POTEB3: variants seen among roughly 807,000 people sequenced by gnomAD.
POTEB3 encodes ANKRD26-like family B member 1.
A neutral mutation model predicts 39.8 loss-of-function variants in POTEB3; 5 were observed. That is an observed-to-expected ratio of 0.13 (90% CI 0.07 to 0.26). The LOEUF is 0.26. Ranked by LOEUF, POTEB3 falls within the 10% of genes least tolerant of loss-of-function variation. The pLI, the probability that POTEB3 is intolerant of heterozygous loss-of-function variation, is 1.00. For synonymous variants in POTEB3, 5 were observed against 161.5 expected, an observed-to-expected ratio of 0.03 and a Z score of 7.35; for missense variants, 24 against 475.6, an observed-to-expected ratio of 0.05 and a Z score of 8.83.
intron 9 of POTEB3, among the ~76,000 whole-genome samples, chr15:21,414,630 C>G (rs1489128568): frequency 6.6e-4 from 53 of 80,262 alleles, no homozygotes; most frequent in Non-Finnish European, 9.3e-4. Context: ...AGCCACGCAG[C>G]AGCACCTGCT....
chr15:21,424,413 TAA>T (rs1898595192), intron 6 of POTEB3, among the ~76,000 whole-genome samples: 1 of 86,166 alleles, frequency 1.2e-5, no homozygotes, highest in East Asian at 2.7e-4. Context: ...CTCTCAAGTT[TAA>T]GTTAAATGCT....
Position 21,407,611 on chromosome 15 carries a change from G to A in POTEB3, c.*1372C>T, listed in dbSNP as rs1470058652. On this transcript the variant is annotated 3_prime_UTR_variant, in exon 11 of 11. Coordinates refer to ENST00000611217, the MANE Select transcript of POTEB3 (RefSeq NM_207355.5). ...CTCTAAGCAGGTGTGGCCTGGCTGGGGTCCTGGGAGAGGCAAGCAGACTAA... is the reference window on the plus strand; with the variant it reads ...CTCTAAGCAGGTGTGGCCTGGCTGGAGTCCTGGGAGAGGCAAGCAGACTAA... Among the ~76,000 whole-genome samples, 2 of 86,440 alleles carry A rather than the reference G, an allele frequency of 2.3e-5. No individual in the cohort carries two copies. Among genetic ancestry groups the A allele is most frequent in the Non-Finnish European group, 4.1e-5 (2 of 48,636 alleles). 56.7% of individuals were successfully genotyped at this position (86,440 alleles called of 152,430 possible).
rs1898531555 is a variant in POTEB3, at chr15:21,422,119, C to CCT, written c.1196_1197dup (p.Lys400ArgfsTer9). 6.2e-7 allele frequency: 1 copy of CCT among 1,609,884 alleles called. No individual in the cohort carries two copies. The highest frequency in any genetic ancestry group is 1.7e-5 in the Admixed American group (1 of 59,852). On this transcript the variant is annotated frameshift_variant and splice_region_variant. Coordinates refer to ENST00000611217, the MANE Select transcript of POTEB3 (RefSeq NM_207355.5). LOFTEE classifies it high-confidence loss of function. ...AAATTTAAACTTAAAATTTTCCATG[C>CCT]CTCTGGCTGGCTATTTTCACTGACT...
Position 21,438,003 on chromosome 15 carries a change from C to T in POTEB3, c.521+1488G>A. ...TCGTGATCCAACTGCCTTGGCCTCC[C>T]AAAGTGCTGGGATTACAGGCATGAG... On this transcript the variant is annotated intron_variant, in intron 1 of 10. Coordinates refer to ENST00000611217, the MANE Select transcript of POTEB3 (RefSeq NM_207355.5). Among the ~76,000 whole-genome samples, 2 of 38,108 alleles carry T rather than the reference C, an allele frequency of 5.2e-5. 1 individual carries two copies. The highest frequency in any genetic ancestry group is 9.6e-5 in the Non-Finnish European group (2 of 20,754). 25.0% of individuals were successfully genotyped at this position (38,108 alleles called of 152,430 possible).
intron 6 of POTEB3, among the ~76,000 whole-genome samples, chr15:21,425,717 TAA>T (rs1898667584): frequency 6.6e-6 from 1 of 150,508 alleles, no homozygotes; most frequent in African/African-American, 2.5e-5. Context: ...TCTCCCTGTT[TAA>T]AAGACACATG....
intron 3 of POTEB3, among the ~76,000 whole-genome samples, chr15:21,433,571 C>G (rs1358420994): frequency 2.7e-5 from 4 of 150,604 alleles, no homozygotes; most frequent in Non-Finnish European, 5.9e-5. Flanking sequence ...ATCACATAAA[C>G]AATTCCCTTT....
Position 21,406,185 on chromosome 15 carries a change from C to G in POTEB3, c.*2798G>C, listed in dbSNP as rs144610855. Among the ~76,000 whole-genome samples, 2 of 70,606 alleles carry G rather than the reference C, an allele frequency of 2.8e-5. No individual in the cohort carries two copies. The highest frequency in any genetic ancestry group is 4.9e-5 in the Non-Finnish European group (2 of 40,526). 46.3% of individuals were successfully genotyped at this position (70,606 alleles called of 152,430 possible). On this transcript the variant is annotated 3_prime_UTR_variant, in exon 11 of 11. Transcript: ENST00000611217. Reference sequence around the variant, plus strand: ...TGTTCATTCCCTTTCATTCTTTTTTCCCCCATTCTTGTTTGCCTGTTTTAT... The same window carrying G: ...TGTTCATTCCCTTTCATTCTTTTTTGCCCCATTCTTGTTTGCCTGTTTTAT...
chr15:21,430,728 C>T (rs1898925345), intron 4 of POTEB3, among the ~76,000 whole-genome samples: 2 of 151,240 alleles, frequency 1.3e-5, no homozygotes, highest in Non-Finnish European at 2.9e-5. Flanking sequence ...AAGATTTTGT[C>T]ACAGCTTCCC....
rs1898484631 is a variant in POTEB3 at position 21,420,839 on chromosome 15, GAAAAT to G, written c.1198-126_1198-122del. 1.6e-5 allele frequency: 2 copies of G among 123,610 alleles called. 1 individual carries two copies. Among genetic ancestry groups the G allele is most frequent in the Non-Finnish European group, 2.6e-5 (2 of 77,708 alleles). 7.7% of individuals were successfully genotyped at this position (123,610 alleles called of 1,614,324 possible). The stretch of plus-strand genomic sequence containing the variant: ...AATCAAGTATGGACATGAAAAATTA[GAAAAT>G]AAAATAAAATTTAACTTAAAATAAT... On this transcript the variant is annotated intron_variant, in intron 7 of 10. Coordinates refer to ENST00000611217, the MANE Select transcript of POTEB3 (RefSeq NM_207355.5).
chr15:21,433,233 T>A (rs1899046070), intron 3 of POTEB3, among the ~76,000 whole-genome samples: 1 of 151,160 alleles, frequency 6.6e-6, no homozygotes, highest in South Asian at 2.1e-4. Context: ...TAAGCAGGAG[T>A]GTATCCGGAT....
intron 6 of POTEB3, chr15:21,426,293 C>T (rs1367759054): frequency 7.6e-6 from 3 of 395,656 alleles, no homozygotes; most frequent in African/African-American, 6.5e-5. Flanking sequence ...TGAATCATAC[C>T]TACTTTTTTT....
rs1311171818 is a variant in POTEB3, at chr15:21,420,930, C to T, written c.1198-212G>A. Among the ~76,000 whole-genome samples the T allele has an allele frequency of 1.0e-4, 6 of 58,064 alleles. 1 individual carries two copies. Among genetic ancestry groups the T allele is most frequent in the Non-Finnish European group, 2.1e-4 (6 of 28,966 alleles). 38.1% of individuals were successfully genotyped at this position (58,064 alleles called of 152,430 possible). ...TTTAATCTATGTTTAGCTACTGCCA[C>T]ATCATTGGCTTCTGACTAACATGGG... On this transcript the variant is annotated intron_variant, in intron 7 of 10. Transcript: ENST00000611217.
chr15:21,413,506 TTATATATATATATATA>T (rs1160375320), intron 9 of POTEB3, among the ~76,000 whole-genome samples: 11 of 1,452 alleles, frequency 7.6e-3, no homozygotes, highest in East Asian at 0.033. Flanking sequence ...ATAAAGAAAA[TTATATATATATATATA>T]TATATATATA....
chr15:21,410,748 T>C lies in POTEB3; in HGVS notation c.1533+130A>G, dbSNP rs1207040256. On this transcript the variant is annotated intron_variant, in intron 10 of 10. Coordinates refer to ENST00000611217, the MANE Select transcript of POTEB3 (RefSeq NM_207355.5). ...GGGGGTGTGTGTGTGTGTGTGTATA[T>C]ATACACACACACAGACACACACACA... The C allele has an allele frequency of 4.8e-3, 2,868 of 592,334 alleles. 752 individuals are homozygous for C. The African/African-American group carries it at 0.16, about 32-fold the overall frequency. The allele number at this position is 592,334 out of a possible 1,614,324, so 36.7% of individuals were successfully genotyped here. A position where few individuals can be genotyped will look rare whatever the true frequency, so the allele number is the denominator to read the frequency against.
chr15:21,425,993 T>A (rs1338601215), intron 6 of POTEB3: 2 of 314,844 alleles, frequency 6.4e-6, no homozygotes, highest in Non-Finnish European at 1.2e-5. Flanking sequence ...ACCTACTCAT[T>A]TCTATAGTAT....
chr15:21,423,081 T>C (rs1898573543), intron 6 of POTEB3, among the ~76,000 whole-genome samples: 1 of 147,108 alleles, frequency 6.8e-6, no homozygotes, highest in Non-Finnish European at 1.5e-5. Context: ...CATCCACTAT[T>C]ATGACAAATT....
chr15:21,431,295 CAG>C (rs1429737567), intron 4 of POTEB3, among the ~76,000 whole-genome samples: 1 of 132,066 alleles, frequency 7.6e-6, no homozygotes, highest in African/African-American at 2.8e-5. Flanking sequence ...CAACTTAAAG[CAG>C]AGTCATTGAA....
At chr15:21,414,367 T>C (rs2449672) in intron 9 of POTEB3, among the ~76,000 whole-genome samples, 2 of 125,236 alleles carry the variant, frequency 1.6e-5, no homozygotes, top group Non-Finnish European at 3.2e-5. Flanking sequence ...CCAATTCATC[T>C]TGACCAAAAT....
In POTEB3 at chr15:21,410,065, C is replaced by T. The variant is rs1252373489; in HGVS notation, c.1533+813G>A. Among the ~76,000 whole-genome samples the T allele has an allele frequency of 8.2e-5, 8 of 97,850 alleles. No individual in the cohort carries two copies. In the East Asian group the frequency reaches 2.2e-3, roughly 26 times the overall value. The allele number at this position is 97,850 out of a possible 152,430, so 64.2% of individuals were successfully genotyped here. On this transcript the variant is annotated intron_variant, in intron 10 of 10. Transcript: ENST00000611217. Reference sequence around the variant, plus strand: ...TCTGATGCTACTGCTAGTGATCCTCCACAAAATCAGTTGCTTCTGTGGTGT... The same window carrying T: ...TCTGATGCTACTGCTAGTGATCCTCTACAAAATCAGTTGCTTCTGTGGTGT...
Sources: gnomAD v4.1 joint callset for allele counts (sites outside exome capture counted in the v4.1 genomes callset) on GRCh38, gnomAD v4.1.1 for gene constraint, MANE v1.5 for transcripts, NCBI Gene and HGNC (gene_info 2026-07-23, HGNC 2026-07-21) for gene names.